ATP1A2: variants seen among roughly 807,000 people sequenced by gnomAD.
ATP1A2 encodes the protein ATPase Na+/K+ transporting subunit alpha 2, also known as sodium/potassium-transporting ATPase subunit alpha-2.
ATP1A2 carries 56 observed loss-of-function variants against 113.1 expected under a neutral mutation model. The observed-to-expected ratio is 0.49, with a 90% CI of 0.40 to 0.62. The LOEUF is 0.62. ATP1A2 is among the 20% of genes least tolerant of loss of function. ATP1A2 has a pLI of 0.00. For missense variants in ATP1A2, 712 were observed against 1,357.8 expected (o/e 0.52, Z 7.47); for synonymous variants, 490 against 526.8 (o/e 0.93, Z 0.96).
chr1:160,127,966 C>A, intron 8 of ATP1A2, 146 bp downstream of exon 8: 1 of 1,189,996 alleles, frequency 8.4e-7, no homozygotes, highest in Non-Finnish European at 1.2e-6. Flanking sequence ...TCACTTAATA[C>A]ATGGCTTAGG....
At chr1:160,119,256 C>CAAAAAAA (rs386368465) in intron 1 of ATP1A2, among the ~76,000 whole-genome samples, 2,025 of 49,166 alleles carry the variant, frequency 0.041, 544 homozygotes, top group East Asian at 0.062. Context: ...CATTATCCTG[C>CAAAAAAA]AAAAAAAAAA....
rs989024254 is a variant in ATP1A2, at chr1:160,115,771, G to A, written c.-91G>A. On this transcript the variant is annotated 5_prime_UTR_variant, in exon 1 of 23. Coordinates refer to ENST00000361216, the MANE Select transcript of ATP1A2 (RefSeq NM_000702.4). ...TTGCTTTGGCTTTCTCTGTCTGCCA[G>A]GGTCTCCGACTGTCCCAGACGGGCT... 45 of 1,510,050 alleles carry A rather than the reference G, an allele frequency of 3.0e-5. No individual in the cohort carries two copies. Among genetic ancestry groups the A allele is most frequent in the Non-Finnish European group, 4.0e-5 (44 of 1,108,472 alleles). 93.5% of individuals were successfully genotyped at this position (1,510,050 alleles called of 1,614,324 possible).
Position 160,129,333 on chromosome 1 carries a change from T to G in ATP1A2, c.1394T>G (p.Val465Gly). 1 of 1,614,036 alleles carries G rather than the reference T, an allele frequency of 6.2e-7. No homozygotes were observed. The highest frequency in any genetic ancestry group is 8.5e-7 in the Non-Finnish European group (1 of 1,180,006). ...TGCATTGAGCTCTCCTGTGGCTCAG[T>G]GAGGAAAATGAGAGACAGAAACCCC... ...LKCIELSCGS[V>G]RKMRDRNPKV... The change falls in exon 11 of 23, where the codon GTG becomes GGG. Residue 465 changes from valine to glycine, a missense_variant. By Grantham distance (109) the Val-to-Gly change is moderately radical (BLOSUM62 -3). This residue lies in a region of ATP1A2 where 263 missense variants were observed against 380.6 expected (regional missense o/e 0.69). Coordinates refer to ENST00000361216, the MANE Select transcript of ATP1A2 (RefSeq NM_000702.4).
chr1:160,115,787 C>T lies in ATP1A2; in HGVS notation c.-75C>T, dbSNP rs1361688737. The T allele has an allele frequency of 1.4e-5, 22 of 1,552,194 alleles. No individual in the cohort carries two copies. The highest frequency in any genetic ancestry group is 2.7e-5 in the African/African-American group (2 of 73,564). On this transcript the variant is annotated 5_prime_UTR_variant, in exon 1 of 23. Coordinates refer to ENST00000361216, the MANE Select transcript of ATP1A2 (RefSeq NM_000702.4). The stretch of plus-strand genomic sequence containing the variant: ...TGTCTGCCAGGGTCTCCGACTGTCC[C>T]AGACGGGCTGGTGTGGGCTTGGGAT...
rs61435997 is a variant in ATP1A2 at position 160,135,792 on chromosome 1, G to A, written c.2285-47G>A. Reference sequence around the variant, plus strand: ...GCCATGCTTCAGGGGCTGGGGGTGGGGAAGAGTCCCTCTGACCTCCCTGAT... The same window carrying A: ...GCCATGCTTCAGGGGCTGGGGGTGGAGAAGAGTCCCTCTGACCTCCCTGAT... On this transcript the variant is annotated intron_variant, in intron 16 of 22. Transcript: ENST00000361216. The surrounding 1 kb of genome is among the most constrained non-coding windows in gnomAD (Gnocchi z 6.3). The A allele has an allele frequency of 4.2e-3, 6,850 of 1,613,726 alleles. 253 individuals carry two copies. The African/African-American group carries it at 0.081, about 19-fold the overall frequency.
chr1:160,122,738 G>T (rs982681583), intron 3 of ATP1A2, among the ~76,000 whole-genome samples: 2 of 152,142 alleles, frequency 1.3e-5, no homozygotes, highest in Non-Finnish European at 2.9e-5. Flanking sequence ...TGGAAGGATT[G>T]CTTTAGCCCA....
intron 1 of ATP1A2, among the ~76,000 whole-genome samples, chr1:160,117,965 T>TG (rs745810097): frequency 1.4e-5 from 2 of 138,386 alleles, no homozygotes; most frequent in Admixed American, 7.1e-5. Context: ...GGAGGGAGGT[T>TG]GGGGGGGTCC....
At chr1:160,125,017 A>T in intron 6 of ATP1A2, 119 bp from the exon 7 acceptor site, 1 of 816,912 alleles carries the variant, frequency 1.2e-6, no homozygotes, top group Non-Finnish European at 2.1e-6. Context: ...GATGAGGGCA[A>T]GTGTGACTTT....
chr1:160,125,789 C>T (rs901401563), intron 7 of ATP1A2, among the ~76,000 whole-genome samples: 2 of 152,194 alleles, frequency 1.3e-5, no homozygotes, highest in Non-Finnish European at 2.9e-5. Context: ...TCACCATGCA[C>T]AGACTACCCA....
chr1:160,136,082 A>G, intron 17 of ATP1A2, 89 bp downstream of exon 17: 4 of 1,608,858 alleles, frequency 2.5e-6, no homozygotes, highest in Non-Finnish European at 3.4e-6. Flanking sequence ...CAGTGGCCCC[A>G]GCTGTGGGGG....
chr1:160,121,097 C>T (rs1384506204), intron 2 of ATP1A2, 87 bp downstream of exon 2: 1 of 1,598,958 alleles, frequency 6.3e-7, no homozygotes, highest in Non-Finnish European at 8.6e-7. Flanking sequence ...AACTCCGTGT[C>T]CCCCATGCTG....
rs751634903 is a variant in ATP1A2, at chr1:160,130,637, C to A, written c.1827+40C>A. On this transcript the variant is annotated intron_variant, in intron 13 of 22. Transcript: ENST00000361216. ...TCCTCCCCTCCATTCTAGCCTCCCC[C>A]ATGCCAGAGTTCAAGGAGCTGCAGT... 3.1e-6 allele frequency: 5 copies of A among 1,613,532 alleles called. No individual in the cohort carries two copies. In the South Asian group the frequency reaches 4.4e-5, roughly 14 times the overall value.
rs1015998424 is a variant in ATP1A2, at chr1:160,130,736, C to T, written c.1827+139C>T. On this transcript the variant is annotated intron_variant, in intron 13 of 22. Transcript: ENST00000361216. ...ACTCAGAGAAGAAGCTGTCCATCTG[C>T]AAGGAAAGGCCCACCCCTGCCTTGG... 4.1e-5 allele frequency: 51 copies of T among 1,234,186 alleles called. No individual in the cohort carries two copies. In the South Asian group the frequency reaches 5.2e-4, roughly 13 times the overall value. 76.5% of individuals were successfully genotyped at this position (1,234,186 alleles called of 1,614,324 possible).
At chr1:160,134,678 G>A in intron 14 of ATP1A2, 58 bp downstream of exon 14, 1 of 1,613,326 alleles carries the variant, frequency 6.2e-7, no homozygotes, top group Non-Finnish European at 8.5e-7. Context: ...TGCACAGAAG[G>A]CTTGGGTGTC....
Position 160,141,398 on chromosome 1 carries a change from T to C in ATP1A2, c.*76T>C. 1.3e-6 allele frequency: 2 copies of C among 1,585,998 alleles called. No homozygotes were observed. The highest frequency in any genetic ancestry group is 8.7e-7 in the Non-Finnish European group (1 of 1,155,114). On this transcript the variant is annotated 3_prime_UTR_variant, in exon 23 of 23. Coordinates refer to ENST00000361216, the MANE Select transcript of ATP1A2 (RefSeq NM_000702.4). ...TTGTGGGGATGGTGATGGAGAGGGA[T>C]GGAAATAACGGGTGGCATTGGGTGG...
At chr1:160,121,325 TA>T (rs1392385589) in intron 3 of ATP1A2, 74 bp downstream of exon 3, 2 of 1,537,972 alleles carry the variant, frequency 1.3e-6, no homozygotes, top group Non-Finnish European at 1.8e-6. Flanking sequence ...GCAGGAGCCT[TA>T]AAACTGTAAT....
At chr1:160,125,062 G>A in intron 6 of ATP1A2, 74 bp from the exon 7 acceptor site, 1 of 1,175,230 alleles carries the variant, frequency 8.5e-7, no homozygotes, top group Admixed American at 1.7e-5. Context: ...TGTGGTTGGA[G>A]GTGGTTCAGG....
At chr1:160,141,184 C>A in intron 22 of ATP1A2, 110 bp from the exon 23 acceptor site, 1 of 1,350,266 alleles carries the variant, frequency 7.4e-7, no homozygotes, top group Non-Finnish European at 1.1e-6. Context: ...CAGTGCCCTT[C>A]ACCAGGCTTC....
Position 160,130,551 on chromosome 1 carries a change from CT to C in ATP1A2, c.1782del (p.Ala595LeufsTer16). On this transcript the variant is annotated frameshift_variant, in exon 13 of 23. Transcript: ENST00000361216. LOFTEE classifies it high-confidence loss of function. ...ATGTCTATGATTGACCCTCCCCGGG[CT>C]GCTGTGCCAGATGCTGTGGGCAAGT... is the stretch of plus-strand genomic sequence containing the variant. The part of the protein sequence containing the change: ...GLMSMIDPPR[A>X]AVPDAVGKCR... The C allele has an allele frequency of 6.2e-7, 1 of 1,614,242 alleles. No homozygotes were observed. Among genetic ancestry groups the C allele is most frequent in the Non-Finnish European group, 8.5e-7 (1 of 1,180,034 alleles).
Sources: gnomAD v4.1 joint callset for allele counts (sites outside exome capture counted in the v4.1 genomes callset) on GRCh38, gnomAD v4.1.1 for gene constraint, gnomAD v4.1.1 regional missense constraint, Gnocchi (gnomAD v3.1) non-coding constraint, MANE v1.5 for transcripts, NCBI Gene and HGNC (gene_info 2026-07-23, HGNC 2026-07-21) for gene names.